Variants in PIP4P2 observed in about 807,000 individuals in gnomAD.
The protein encoded by PIP4P2 is phosphatidylinositol-4,5-bisphosphate 4-phosphatase 2.
A neutral mutation model predicts 33.3 loss-of-function variants in PIP4P2; 19 were observed. The observed-to-expected ratio is 0.57, with a 90% CI of 0.40 to 0.84. The LOEUF (loss-of-function observed/expected upper bound fraction) is 0.84. Among genes scored for constraint, PIP4P2 ranks in the 40% least tolerant of loss-of-function variants. The pLI, the probability that PIP4P2 is intolerant of heterozygous loss-of-function variation, is 0.00. For missense variants in PIP4P2, 270 were observed against 324.7 expected, an observed-to-expected ratio of 0.83 and a Z score of 1.29; for synonymous variants, 110 against 111.9, an observed-to-expected ratio of 0.98 and a Z score of 0.11.
chr8:91,018,545 T>C, intron 3 of PIP4P2, 32 bp from the exon 4 acceptor site: 2 of 1,613,274 alleles, frequency 1.2e-6, no homozygotes, highest in Non-Finnish European at 1.7e-6. Flanking sequence ...AACTTCACTA[T>C]CCCACAAATG....
chr8:91,040,627 A>T lies in PIP4P2; in HGVS notation c.106+17T>A, dbSNP rs559387340. The T allele has an allele frequency of 6.2e-7, 1 of 1,613,448 alleles. No individual in the cohort carries two copies. The highest frequency in any genetic ancestry group is 8.5e-7 in the Non-Finnish European group (1 of 1,179,764). On this transcript the variant is annotated intron_variant, in intron 1 of 6. Transcript: ENST00000285419. ...ATCTACTTCCTTGCAAAGTAGAGGG[A>T]TCTACGCTGGCCTTACCTCTGGGGC...
chr8:91,020,031 T>C (rs532652423), intron 3 of PIP4P2, 126 bp downstream of exon 3: 2 of 843,314 alleles, frequency 2.4e-6, no homozygotes, highest in East Asian at 2.6e-5. Flanking sequence ...AAAAATAATC[T>C]AGATTCTGGA....
chr8:90,996,605 C>G (rs761173849), intron 6 of PIP4P2, 49 bp downstream of exon 6: 1 of 1,506,586 alleles, frequency 6.6e-7, no homozygotes, highest in South Asian at 1.2e-5. Context: ...TGATTGACTA[C>G]TGATAAAGTT....
In PIP4P2 at chr8:91,025,591, T is replaced by C. The variant is rs75767381; in HGVS notation, c.107-4187A>G. Among the ~76,000 whole-genome samples, 593 of 152,330 alleles carry C rather than the reference T, an allele frequency of 3.9e-3. 6 individuals are homozygous for C. The highest frequency in any genetic ancestry group is 0.01 in the Middle Eastern group (3 of 294). On this transcript the variant is annotated intron_variant, in intron 1 of 6. Coordinates refer to ENST00000285419, the MANE Select transcript of PIP4P2 (RefSeq NM_018710.3). The stretch of plus-strand genomic sequence containing the variant: ...GACAATATTTGGCAGTTTAATTCAC[T>C]TACTACATTAGCATCCTCTATATGC...
intron 5 of PIP4P2, among the ~76,000 whole-genome samples, chr8:91,005,239 T>G (rs1370510243): frequency 6.6e-6 from 1 of 152,176 alleles, no homozygotes; most frequent in Non-Finnish European, 1.5e-5. Flanking sequence ...GGGTCATTCT[T>G]GATCCCAATC....
intron 1 of PIP4P2, among the ~76,000 whole-genome samples, chr8:91,036,983 A>C (rs1424208271): frequency 1.3e-5 from 2 of 152,206 alleles, no homozygotes; most frequent in African/African-American, 4.8e-5. Context: ...AAAGCATGGC[A>C]GTCTCAGAGT....
chr8:91,007,196 C>T (rs993719117), intron 5 of PIP4P2, among the ~76,000 whole-genome samples: 9 of 152,096 alleles, frequency 5.9e-5, no homozygotes, highest in Non-Finnish European at 1.5e-5. Flanking sequence ...AGGGTTTATC[C>T]ACTTTGCTTC....
chr8:91,011,519 A>G (rs1041268802), intron 4 of PIP4P2, among the ~76,000 whole-genome samples: 2 of 152,092 alleles, frequency 1.3e-5, no homozygotes, highest in Non-Finnish European at 2.9e-5. Context: ...ATGTTTGGAC[A>G]TACAACATAA....
chr8:91,000,210 T>C (rs894712002), intron 5 of PIP4P2, among the ~76,000 whole-genome samples: 4 of 152,020 alleles, frequency 2.6e-5, no homozygotes, highest in Non-Finnish European at 5.9e-5. Context: ...TTTCCAATAT[T>C]TCAGTTTTAT....
intron 5 of PIP4P2, among the ~76,000 whole-genome samples, chr8:91,007,240 A>C (rs2130356306): frequency 6.6e-6 from 1 of 152,296 alleles, no homozygotes; most frequent in African/African-American, 2.4e-5. Context: ...TTCAGTAAGG[A>C]ATCAGAATGA....
At chr8:91,035,027 A>G (rs1461409377) in intron 1 of PIP4P2, among the ~76,000 whole-genome samples, 2 of 152,218 alleles carry the variant, frequency 1.3e-5, no homozygotes, top group Non-Finnish European at 1.5e-5. Context: ...TATTTACTGT[A>G]GGATTTCTAA....
At chr8:90,996,810 G>A in intron 5 of PIP4P2, 66 bp from the exon 6 acceptor site, 1 of 1,314,122 alleles carries the variant, frequency 7.6e-7, no homozygotes, top group Non-Finnish European at 1.1e-6. Flanking sequence ...TTTCATTTTT[G>A]TGAGTTCTTA....
intron 1 of PIP4P2, among the ~76,000 whole-genome samples, chr8:91,039,179 TAGTG>T (rs921099076): frequency 6.6e-6 from 1 of 152,242 alleles, no homozygotes; most frequent in African/African-American, 2.4e-5. Flanking sequence ...AAACATTCAT[TAGTG>T]AGTGTTTAAG....
chr8:90,998,375 A>G (rs1811656912), intron 5 of PIP4P2, among the ~76,000 whole-genome samples: 1 of 152,076 alleles, frequency 6.6e-6, no homozygotes, highest in Non-Finnish European at 1.5e-5. Context: ...CAAATTAAAT[A>G]GTCACTACAT....
intron 3 of PIP4P2, among the ~76,000 whole-genome samples, chr8:91,019,689 T>A (rs1389138174): frequency 6.6e-6 from 1 of 152,068 alleles, no homozygotes; most frequent in Non-Finnish European, 1.5e-5. Flanking sequence ...TACTCCTGCC[T>A]CAGTCTCCCA....
intron 2 of PIP4P2, 62 bp from the exon 3 acceptor site, chr8:91,020,325 T>C: frequency 4.0e-6 from 6 of 1,491,572 alleles, no homozygotes; most frequent in South Asian, 1.1e-5. Context: ...TCAAAGTTTG[T>C]TTGTGTTTAA....
intron 1 of PIP4P2, among the ~76,000 whole-genome samples, chr8:91,028,481 C>T (rs1278163827): frequency 3.3e-5 from 5 of 152,300 alleles, no homozygotes; most frequent in East Asian, 3.9e-4. Context: ...GGACTCAAAG[C>T]GGCTATCAAG....
chr8:91,038,783 A>G (rs1812267224), intron 1 of PIP4P2, among the ~76,000 whole-genome samples: 1 of 152,210 alleles, frequency 6.6e-6, no homozygotes, highest in African/African-American at 2.4e-5. Context: ...ATGTCATATG[A>G]AATTAAGAGT....
chr8:91,020,079 C>A, intron 3 of PIP4P2, 78 bp downstream of exon 3: 2 of 1,394,036 alleles, frequency 1.4e-6, no homozygotes, highest in East Asian at 2.3e-5. Flanking sequence ...AGAACAAAGC[C>A]TGGCACTGAA....
Sources: gnomAD v4.1 joint callset for allele counts (sites outside exome capture counted in the v4.1 genomes callset) on GRCh38, gnomAD v4.1.1 for gene constraint, MANE v1.5 for transcripts, NCBI Gene and HGNC (gene_info 2026-07-23, HGNC 2026-07-21) for gene names.